Variants in SLC24A2 observed in about 807,000 individuals in gnomAD.
SLC24A2 encodes solute carrier family 24 member 2, also known as sodium/potassium/calcium exchanger 2.
In SLC24A2, 36 loss-of-function variants were observed where a neutral mutation model predicts 62.0. That is an observed-to-expected ratio of 0.58 (90% CI 0.44 to 0.77). The LOEUF (loss-of-function observed/expected upper bound fraction) is 0.77, where lower values mean the gene tolerates loss of function less well. Among genes scored for constraint, SLC24A2 ranks in the 30% least tolerant of loss-of-function variants. SLC24A2 has a pLI of 0.00. For missense variants in SLC24A2, 846 were observed against 817.9 expected, an observed-to-expected ratio of 1.03 and a Z score of -0.42; for synonymous variants, 358 against 294.0, an observed-to-expected ratio of 1.22 and a Z score of -2.23.
At chr9:19,990,728 T>C in the SLC24A2 span, among the ~76,000 whole-genome samples, 1 of 150,520 alleles carries the variant, frequency 6.6e-6, no homozygotes, top group Non-Finnish European at 1.5e-5. Flanking sequence ...CTGAGTAGCA[T>C]AATGAAATCT....
chr9:19,918,740 G>A, the SLC24A2 span, among the ~76,000 whole-genome samples: 2 of 152,106 alleles, frequency 1.3e-5, no homozygotes, highest in Admixed American at 1.3e-4. Flanking sequence ...CCCACATGTG[G>A]TCCAAGAAAA....
chr9:20,204,022 A>G, the SLC24A2 span, among the ~76,000 whole-genome samples: 2 of 152,246 alleles, frequency 1.3e-5, no homozygotes, highest in Admixed American at 6.5e-5. Context: ...TATTAATACA[A>G]AAGAAAATTC....
At chr9:20,231,005 G>T in the SLC24A2 span, among the ~76,000 whole-genome samples, 23 of 152,072 alleles carry the variant, frequency 1.5e-4, no homozygotes, top group South Asian at 2.9e-3. Context: ...TTTCCCCATT[G>T]CTTGTTTTTG....
chr9:20,043,831 T>C, the SLC24A2 span, among the ~76,000 whole-genome samples: 719 of 152,314 alleles, frequency 4.7e-3, 4 homozygotes, highest in African/African-American at 0.016. Flanking sequence ...ATAAACTTAG[T>C]TGATAAAGCA....
the SLC24A2 span, among the ~76,000 whole-genome samples, chr9:19,800,426 G>A: frequency 6.6e-6 from 1 of 152,082 alleles, no homozygotes; most frequent in Non-Finnish European, 1.5e-5. Context: ...ATATTATTGA[G>A]CTCTGGAACT....
the SLC24A2 span, among the ~76,000 whole-genome samples, chr9:20,280,901 A>G: frequency 6.6e-6 from 1 of 152,188 alleles, no homozygotes; most frequent in Non-Finnish European, 1.5e-5. Flanking sequence ...AGCCACCAGA[A>G]GCAGGAGGAG....
intron 4 of SLC24A2, among the ~76,000 whole-genome samples, chr9:19,601,065 T>C (rs533506454): frequency 2.1e-4 from 32 of 151,958 alleles, no homozygotes; most frequent in Middle Eastern, 3.2e-3. Flanking sequence ...TGTAGCTCCA[T>C]TGTAAAACGC....
At chr9:19,565,422 C>T (rs1179416704) in intron 7 of SLC24A2, among the ~76,000 whole-genome samples, 1 of 150,592 alleles carries the variant, frequency 6.6e-6, no homozygotes, top group East Asian at 1.9e-4. Context: ...TGTGAAGGAC[C>T]TCTGCAAGGA....
the SLC24A2 span, among the ~76,000 whole-genome samples, chr9:19,963,976 C>G: frequency 6.6e-6 from 1 of 152,116 alleles, no homozygotes; most frequent in South Asian, 2.1e-4. Context: ...ACCCAAATGT[C>G]CAACAATGAT....
At chr9:19,744,967 G>C (rs940275424) in intron 2 of SLC24A2, among the ~76,000 whole-genome samples, 1 of 152,148 alleles carries the variant, frequency 6.6e-6, no homozygotes, top group Non-Finnish European at 1.5e-5. Context: ...AGTTGATATG[G>C]TCTGGACATT....
chr9:19,772,605 A>T (rs1822723051), intron 2 of SLC24A2, among the ~76,000 whole-genome samples: 1 of 152,232 alleles, frequency 6.6e-6, no homozygotes. Flanking sequence ...ATGGCCAATA[A>T]GTCCAACGTT....
the SLC24A2 span, among the ~76,000 whole-genome samples, chr9:20,051,651 C>CTCTTTTTTTTTTTT: frequency 1.6e-5 from 1 of 63,658 alleles, no homozygotes; most frequent in Admixed American, 2.1e-4. Context: ...GAGGTTTTTT[C>CTCTTTTTTTTTTTT]TTTCTCTTTT....
chr9:20,146,778 G>C, the SLC24A2 span, among the ~76,000 whole-genome samples: 4 of 152,086 alleles, frequency 2.6e-5, no homozygotes, highest in Admixed American at 2.0e-4. Context: ...TAGAAGGCAA[G>C]AGATACCCTT....
At chr9:20,280,322 T>C in the SLC24A2 span, among the ~76,000 whole-genome samples, 4 of 152,184 alleles carry the variant, frequency 2.6e-5, no homozygotes, top group East Asian at 1.9e-4. Context: ...TTGTTAGTCA[T>C]TGGCCTTCAG....
At chr9:19,773,107 T>C (rs1822739509) in intron 2 of SLC24A2, among the ~76,000 whole-genome samples, 1 of 152,132 alleles carries the variant, frequency 6.6e-6, no homozygotes, top group South Asian at 2.1e-4. Context: ...ATGTCCACAA[T>C]AGGCAAATCT....
At chr9:19,837,043 A>T in the SLC24A2 span, among the ~76,000 whole-genome samples, 652 of 152,148 alleles carry the variant, frequency 4.3e-3, 5 homozygotes, top group African/African-American at 0.015. Context: ...CATGCTAAAA[A>T]CTCTCAAAAA....
At chr9:19,666,316 G>A (rs1819251780) in intron 2 of SLC24A2, among the ~76,000 whole-genome samples, 1 of 152,162 alleles carries the variant, frequency 6.6e-6, no homozygotes, top group African/African-American at 2.4e-5. Flanking sequence ...TGAGGTGGAA[G>A]GATCACCTGA....
At chr9:19,943,459 T>G in the SLC24A2 span, among the ~76,000 whole-genome samples, 70 of 151,182 alleles carry the variant, frequency 4.6e-4, no homozygotes, top group Non-Finnish European at 8.7e-4. Context: ...CTTAGGTCCC[T>G]TTTCATTAGT....
the SLC24A2 span, among the ~76,000 whole-genome samples, chr9:19,802,468 C>T: frequency 6.6e-6 from 1 of 152,086 alleles, no homozygotes; most frequent in South Asian, 2.1e-4. Flanking sequence ...CTGTTAAATA[C>T]AATGAATAAG....
Sources: allele counts gnomAD v4.1 joint callset (sites outside exome capture counted in the v4.1 genomes callset), GRCh38; gene constraint gnomAD v4.1.1; transcripts MANE v1.5; gene names NCBI Gene and HGNC (gene_info 2026-07-23, HGNC 2026-07-21).